The following SETBP1 variants were observed in gnomAD, a reference collection of about 807,000 sequenced individuals.
The protein encoded by SETBP1 is SET-binding protein.
Under a neutral mutation model 101.0 loss-of-function variants are expected in SETBP1, and 9 were observed. The ratio of observed to expected loss-of-function variants is 0.09; its 90% confidence interval spans 0.05 to 0.16. The LOEUF is 0.16. Among genes scored for constraint, SETBP1 ranks in the 10% least tolerant of loss-of-function variants. The pLI is 1.00. For synonymous variants in SETBP1, 818 were observed against 788.5 expected, an observed-to-expected ratio of 1.04 and a Z score of -0.63; for missense variants, 1,858 against 2,033.8, an observed-to-expected ratio of 0.91 and a Z score of 1.66.
At chr18:44,722,608 G>T (rs1484742978) in intron 2 of SETBP1, among the ~76,000 whole-genome samples, 2 of 152,212 alleles carry the variant, frequency 1.3e-5, no homozygotes, top group South Asian at 2.1e-4. Context: ...TCTAAAGGCT[G>T]CATGGCCACC....
At chr18:44,915,542 G>A (rs1467011416) in intron 3 of SETBP1, among the ~76,000 whole-genome samples, 1 of 152,130 alleles carries the variant, frequency 6.6e-6, no homozygotes, top group African/African-American at 2.4e-5. Context: ...AAAAATAATA[G>A]CTAACAACTA....
intron 4 of SETBP1, among the ~76,000 whole-genome samples, chr18:45,014,134 T>A (rs2072895111): frequency 6.6e-6 from 1 of 152,222 alleles, no homozygotes; most frequent in African/African-American, 2.4e-5. Flanking sequence ...CAGTGCCTGC[T>A]GTACAATCAG....
At chr18:44,988,733 T>G (rs888978573) in intron 4 of SETBP1, 9 of 152,174 alleles carry the variant, frequency 5.9e-5, no homozygotes, top group African/African-American at 2.2e-4. Context: ...GAGTGTATTT[T>G]ATAAGGCAAA....
intron 1 of SETBP1, among the ~76,000 whole-genome samples, chr18:44,700,479 A>G (rs1763240245): frequency 6.6e-6 from 1 of 152,340 alleles, no homozygotes; most frequent in Non-Finnish European, 1.5e-5. Context: ...TTGTGTCAGT[A>G]GAAACATTTG....
intron 4 of SETBP1, among the ~76,000 whole-genome samples, chr18:45,016,764 C>CACAG (rs748760419): frequency 7.3e-6 from 1 of 136,414 alleles, no homozygotes; most frequent in Non-Finnish European, 1.6e-5. Context: ...CACACACACA[C>CACAG]ACAGAGAGCT....
intron 1 of SETBP1, among the ~76,000 whole-genome samples, chr18:44,694,275 G>A (rs774196847): frequency 3.3e-5 from 5 of 152,110 alleles, no homozygotes; most frequent in Admixed American, 6.5e-5. Context: ...GCAGTGGTGC[G>A]ATCTCGGCTC....
At chr18:44,716,305 T>C (rs747872045) in intron 2 of SETBP1, among the ~76,000 whole-genome samples, 42 of 152,042 alleles carry the variant, frequency 2.8e-4, no homozygotes, top group Admixed American at 4.6e-4. Context: ...ACCTATACGT[T>C]AATCCCTTGG....
intron 4 of SETBP1, among the ~76,000 whole-genome samples, chr18:44,958,844 G>T (rs7232198): frequency 0.23 from 35,440 of 152,046 alleles, 4,430 homozygotes; most frequent in East Asian, 0.54. Flanking sequence ...GGCTCTGATG[G>T]AAGTCATTTT....
chr18:44,769,850 G>A lies in SETBP1; in HGVS notation c.486+68018G>A, dbSNP rs17784154. Among the ~76,000 whole-genome samples the A allele has an allele frequency of 6.1e-3, 930 of 152,286 alleles. 4 individuals are homozygous for A. Among genetic ancestry groups the A allele is most frequent in the African/African-American group, 0.011 (465 of 41,542 alleles). On this transcript the variant is annotated intron_variant, in intron 2 of 5. Coordinates refer to ENST00000649279, the MANE Select transcript of SETBP1 (RefSeq NM_015559.3). The stretch of plus-strand genomic sequence containing the variant: ...CTGCTGTGCTGAGGGTCATCTTTTA[G>A]CATCGAGACCGACAGCACCTGTGTA...
chr18:44,767,287 TG>T (rs889162456), intron 2 of SETBP1, among the ~76,000 whole-genome samples: 2 of 152,172 alleles, frequency 1.3e-5, no homozygotes, highest in Non-Finnish European at 2.9e-5. Flanking sequence ...CTAGTGTGAG[TG>T]TTTTCTTTCA....
chr18:44,924,580 GT>G (rs935133368), intron 3 of SETBP1, among the ~76,000 whole-genome samples: 5 of 152,126 alleles, frequency 3.3e-5, no homozygotes, highest in Non-Finnish European at 5.9e-5. Context: ...TAGAAACCAG[GT>G]TTGTTAATAT....
At chr18:44,797,669 C>G (rs1445547863) in intron 2 of SETBP1, among the ~76,000 whole-genome samples, 3 of 152,154 alleles carry the variant, frequency 2.0e-5, no homozygotes, top group Non-Finnish European at 4.4e-5. Flanking sequence ...TTTCCTTGAA[C>G]CCAGTACTCT....
chr18:45,009,238 CTGCAGCAGCAGG>C (rs1203207354), intron 4 of SETBP1, among the ~76,000 whole-genome samples: 2 of 151,868 alleles, frequency 1.3e-5, no homozygotes, highest in African/African-American at 4.8e-5. Flanking sequence ...TGGGCTGCAG[CTGCAGCAGCAGG>C]TGCTGGCTGC....
chr18:44,960,680 G>T (rs2071593770), intron 4 of SETBP1, among the ~76,000 whole-genome samples: 1 of 152,012 alleles, frequency 6.6e-6, no homozygotes, highest in Admixed American at 6.6e-5. Context: ...GCCATAAAAT[G>T]ACCAGATTAT....
chr18:44,971,670 T>G (rs966976943), intron 4 of SETBP1, among the ~76,000 whole-genome samples: 2 of 152,260 alleles, frequency 1.3e-5, no homozygotes, highest in African/African-American at 4.8e-5. Flanking sequence ...TGCATAAATA[T>G]CTTCTTTTGA....
At chr18:44,747,214 T>C (rs2070275105) in intron 2 of SETBP1, among the ~76,000 whole-genome samples, 1 of 152,234 alleles carries the variant, frequency 6.6e-6, no homozygotes, top group Admixed American at 6.5e-5. Context: ...CAGGGATACC[T>C]TCATGACCCC....
intron 2 of SETBP1, among the ~76,000 whole-genome samples, chr18:44,837,703 A>G (rs574295410): frequency 1.6e-3 from 244 of 152,350 alleles, no homozygotes; most frequent in Non-Finnish European, 2.6e-3. Context: ...TAGGATGAGC[A>G]TGACAGCTGC....
intron 5 of SETBP1, among the ~76,000 whole-genome samples, chr18:45,054,944 C>T (rs1003468348): frequency 6.6e-6 from 1 of 152,148 alleles, no homozygotes; most frequent in Non-Finnish European, 1.5e-5. Context: ...ATAGGGCACC[C>T]CTCACTGCCA....
intron 3 of SETBP1, among the ~76,000 whole-genome samples, chr18:44,939,447 G>C (rs918564922): frequency 1.3e-5 from 2 of 152,140 alleles, no homozygotes; most frequent in Admixed American, 1.3e-4. Flanking sequence ...TCCTTTTATA[G>C]ATGAGTTTGT....
Sources: gnomAD v4.1 joint callset for allele counts (sites outside exome capture counted in the v4.1 genomes callset) on GRCh38, gnomAD v4.1.1 for gene constraint, MANE v1.5 for transcripts, NCBI Gene and HGNC (gene_info 2026-07-23, HGNC 2026-07-21) for gene names.